Variants in PRICKLE2 observed in about 807,000 individuals in gnomAD.
The protein encoded by PRICKLE2 is prickle planar cell polarity protein 2, also known as prickle-like protein 2.
Under a neutral mutation model 81.4 loss-of-function variants are expected in PRICKLE2, and 21 were observed. The ratio of observed to expected loss-of-function variants is 0.26; its 90% CI spans 0.18 to 0.37. The LOEUF is 0.37. PRICKLE2 is among the 10% of genes least tolerant of loss of function. The pLI, the probability that PRICKLE2 is intolerant of heterozygous loss-of-function variation, is 1.00. For missense variants in PRICKLE2, 940 were observed against 1,109.0 expected (o/e 0.85, Z 2.16); for synonymous variants, 456 against 421.5 (o/e 1.08, Z -1.00).
chr3:64,157,446 C>T, intron 4 of PRICKLE2, 81 bp from the exon 5 acceptor site: 2 of 1,385,064 alleles, frequency 1.4e-6, no homozygotes, highest in South Asian at 2.4e-5. Context: ...GGACAACCAC[C>T]ATTAGCTGGC....
chr3:64,124,353 T>C (rs1202019096), intron 7 of PRICKLE2, among the ~76,000 whole-genome samples: 1 of 152,200 alleles, frequency 6.6e-6, no homozygotes, highest in African/African-American at 2.4e-5. Flanking sequence ...AAGCAGCAAG[T>C]GCTAATGGAA....
chr3:64,187,729 CT>C, intron 2 of PRICKLE2: 1 of 152,442 alleles, frequency 6.6e-6, no homozygotes, highest in South Asian at 2.1e-4. Context: ...TCTTCTCTCC[CT>C]TCCCCCAGCA....
intron 1 of PRICKLE2, among the ~76,000 whole-genome samples, chr3:64,209,923 G>A (rs1275261342): frequency 6.6e-6 from 1 of 152,190 alleles, no homozygotes; most frequent in Non-Finnish European, 1.5e-5. Context: ...AGACTATGAG[G>A]CAGATATGAG....
chr3:64,205,933 A>G (rs191032296), intron 1 of PRICKLE2, among the ~76,000 whole-genome samples: 146 of 152,322 alleles, frequency 9.6e-4, no homozygotes, highest in Admixed American at 1.8e-3. Context: ...CACAAGGCTA[A>G]AAACCACCAT....
chr3:64,147,906 C>T lies in PRICKLE2; in HGVS notation c.788-204G>A, dbSNP rs1200832972. Among the ~76,000 whole-genome samples the T allele has an allele frequency of 6.6e-6, 1 of 152,174 alleles. No individual in the cohort carries two copies. Among genetic ancestry groups the T allele is most frequent in the African/African-American group, 2.4e-5 (1 of 41,442 alleles). ...TGTTGTACCAGTATGCGCCTTAACT[C>T]ATTTGCTCCAAGCACAAAGACTCTA... On this transcript the variant is annotated intron_variant, in intron 6 of 7. Transcript: ENST00000638394. The surrounding 1 kb of genome is among the most constrained non-coding windows in gnomAD (Gnocchi z 5.0).
Position 64,232,500 on chromosome 3 carries a change from T to G in PRICKLE2, c.129-33533A>C, listed in dbSNP as rs2085590068. Among the ~76,000 whole-genome samples the G allele has an allele frequency of 3.5e-5, 5 of 144,558 alleles. No individual in the cohort carries two copies. The South Asian group carries it at 1.1e-3, about 33-fold the overall frequency. The allele number at this position is 144,558 out of a possible 152,430, so 94.8% of individuals were successfully genotyped here. ...CACTGAAACACTTCTTAGCTTTGCT[T>G]CCAGGATGCCACATTCTCCTGCTTT... On this transcript the variant is annotated intron_variant, in intron 2 of 8. Coordinates refer to the PRICKLE2 transcript ENST00000295902.
At position 64,092,419 on chromosome 3, in the gene PRICKLE2, G is replaced by T. The variant is rs1011692372; in HGVS notation, c.*6632C>A. On this transcript the variant is annotated 3_prime_UTR_variant, in exon 8 of 8. Coordinates refer to ENST00000638394, the MANE Select transcript of PRICKLE2 (RefSeq NM_198859.4). ...AAACTCCTTTAAGGTAGGGATTTTT[G>T]TTTGTTTTGCACATTATTGTATTCC... The T allele has an allele frequency of 6.6e-6, 1 of 152,142 alleles. No homozygotes were observed. The highest frequency in any genetic ancestry group is 2.4e-5 in the African/African-American group (1 of 41,428). The allele number at this position is 152,142 out of a possible 1,614,324, so 9.4% of individuals were successfully genotyped here.
intron 7 of PRICKLE2, chr3:64,146,177 G>T (rs697272): frequency 6.5e-6 from 1 of 153,654 alleles, no homozygotes; most frequent in Non-Finnish European, 1.4e-5. Flanking sequence ...TGATTCTATA[G>T]TGCAACTCAT....
chr3:64,221,724 G>C lies in PRICKLE2; in HGVS notation c.-41+3186C>G, dbSNP rs1575684020. On this transcript the variant is annotated intron_variant, in intron 1 of 7. Transcript: ENST00000638394. Reference sequence around the variant, plus strand: ...AAAGTCTTTATCCAATTGCCACCCAGAATTCCTATCTGAGGGACAGAGCCT... The same window carrying C: ...AAAGTCTTTATCCAATTGCCACCCACAATTCCTATCTGAGGGACAGAGCCT... 4.6e-5 allele frequency among the ~76,000 whole-genome samples: 7 copies of C among 152,098 alleles called. No individual in the cohort carries two copies. In the South Asian group the frequency reaches 1.5e-3, roughly 32 times the overall value.
rs562146188 is a variant in PRICKLE2, at chr3:64,215,583, G to T, written c.-41+9327C>A. 1.5e-3 allele frequency among the ~76,000 whole-genome samples: 231 copies of T among 152,238 alleles called. 1 individual carries two copies. The highest frequency in any genetic ancestry group is 5.4e-3 in the African/African-American group (223 of 41,562). On this transcript the variant is annotated intron_variant, in intron 1 of 7. Transcript: ENST00000638394. ...GCTACTAACAAGATATGACCAAAGC[G>T]TAAATTTTATTTTTCATATTTATTT...
chr3:64,249,254 G>T (rs1559603308), intron 2 of PRICKLE2, among the ~76,000 whole-genome samples: 1 of 147,912 alleles, frequency 6.8e-6, no homozygotes, highest in Non-Finnish European at 1.5e-5. Context: ...AGAAAGCGAA[G>T]GGGGAGCTGC....
intron 7 of PRICKLE2, among the ~76,000 whole-genome samples, chr3:64,143,450 T>C (rs1218321490): frequency 6.6e-6 from 1 of 152,162 alleles, no homozygotes; most frequent in Non-Finnish European, 1.5e-5. Flanking sequence ...TGATGTCTTC[T>C]TTAGGAATGG....
chr3:64,153,358 G>A lies in PRICKLE2; in HGVS notation c.611C>T (p.Ala204Val). The part of the protein sequence containing the change: ...RCAACDEIIF[A>V]DECTEAEGRH... ...CCCCTCAGCTTCTGTGCATTCATCTGCAAAGATGATCTGGAGATGGGGAAG... is the reference window on the plus strand; with the variant it reads ...CCCCTCAGCTTCTGTGCATTCATCTACAAAGATGATCTGGAGATGGGGAAG... The change falls in exon 6 of 8, where the codon GCA becomes GTA. Residue 204 changes from alanine (A) to valine (V), a missense_variant. Physicochemically the swap from Ala to Val is moderately conservative, Grantham distance 64 (BLOSUM62 0). This residue lies in a region of PRICKLE2 where 270 missense variants were observed against 391.8 expected (regional missense o/e 0.69). Coordinates refer to ENST00000638394, the MANE Select transcript of PRICKLE2 (RefSeq NM_198859.4). 1 of 1,613,962 alleles carries A rather than the reference G, an allele frequency of 6.2e-7. No individual in the cohort carries two copies. The highest frequency in any genetic ancestry group is 8.5e-7 in the Non-Finnish European group (1 of 1,179,990).
At chr3:64,223,439 T>C (rs547081958) in intron 1 of PRICKLE2, among the ~76,000 whole-genome samples, 9 of 152,294 alleles carry the variant, frequency 5.9e-5, no homozygotes, top group African/African-American at 2.2e-4. Flanking sequence ...ACCTCTAAGT[T>C]CCCTTCTCAT....
chr3:64,209,676 G>T (rs1575669871), intron 1 of PRICKLE2, among the ~76,000 whole-genome samples: 1 of 152,238 alleles, frequency 6.6e-6, no homozygotes, highest in African/African-American at 2.4e-5. Flanking sequence ...CTGTGTGTTA[G>T]GCACTGCACT....
At chr3:64,176,927 C>A (rs923385297) in intron 2 of PRICKLE2, among the ~76,000 whole-genome samples, 1 of 151,960 alleles carries the variant, frequency 6.6e-6, no homozygotes, top group Non-Finnish European at 1.5e-5. Flanking sequence ...TTATAGTTTG[C>A]GTATAGCCAT....
chr3:64,241,815 G>A (rs1160415342), intron 2 of PRICKLE2, among the ~76,000 whole-genome samples: 2 of 152,162 alleles, frequency 1.3e-5, no homozygotes, highest in Non-Finnish European at 2.9e-5. Flanking sequence ...CTGATTGTCG[G>A]CAGCCCCAAT....
upstream of PRICKLE2, among the ~76,000 whole-genome samples, chr3:64,228,964 C>A (rs183025542): frequency 4.6e-5 from 7 of 152,242 alleles, no homozygotes; most frequent in African/African-American, 1.7e-4. Context: ...GTCAAAAACG[C>A]TTTTACTTTT....
rs1651886639 is a variant in PRICKLE2 at position 64,152,244 on chromosome 3, G to T, written c.787+938C>A. On this transcript the variant is annotated intron_variant, in intron 6 of 7. Transcript: ENST00000638394. Reference sequence around the variant, plus strand: ...TCTAGGTAAGAAATCGGCAGCTTCTGAACAGACTTCTTGGGATTGCACAAG... The same window carrying T: ...TCTAGGTAAGAAATCGGCAGCTTCTTAACAGACTTCTTGGGATTGCACAAG... Among the ~76,000 whole-genome samples, 3 of 152,134 alleles carry T rather than the reference G, an allele frequency of 2.0e-5. No individual in the cohort carries two copies. The South Asian group carries it at 6.2e-4, about 32-fold the overall frequency.
Sources: gnomAD v4.1 joint callset for allele counts (sites outside exome capture counted in the v4.1 genomes callset) on GRCh38, gnomAD v4.1.1 for gene constraint, gnomAD v4.1.1 regional missense constraint, Gnocchi (gnomAD v3.1) non-coding constraint, MANE v1.5 for transcripts, NCBI Gene and HGNC (gene_info 2026-07-23, HGNC 2026-07-21) for gene names.